The following SLIT2 variants were observed in gnomAD, a reference collection of about 807,000 sequenced individuals.
The protein encoded by SLIT2 is slit homolog 2 protein.
In SLIT2, 41 loss-of-function variants were observed where a neutral mutation model predicts 185.7. The ratio of observed to expected loss-of-function variants is 0.22; its 90% CI spans 0.17 to 0.29. The LOEUF is 0.29. Ranked by LOEUF, SLIT2 falls within the 10% of genes least tolerant of loss-of-function variation. The pLI, the probability that SLIT2 is intolerant of heterozygous loss-of-function variation, is 1.00. For synonymous variants in SLIT2, 693 were observed against 680.2 expected (o/e 1.02, Z -0.29); for missense variants, 1,571 against 1,909.0 (o/e 0.82, Z 3.30).
chr4:20,462,896 A>G (rs963627049), intron 4 of SLIT2, among the ~76,000 whole-genome samples: 4 of 152,188 alleles, frequency 2.6e-5, no homozygotes, highest in Non-Finnish European at 4.4e-5. Flanking sequence ...TAGCAGGTAT[A>G]CTCAGGAGCA....
At chr4:20,424,960 C>A (rs537830753) in intron 4 of SLIT2, among the ~76,000 whole-genome samples, 2 of 152,040 alleles carry the variant, frequency 1.3e-5, no homozygotes, top group Non-Finnish European at 2.9e-5. Context: ...CATATTTATT[C>A]TTTCTAAATA....
intron 4 of SLIT2, among the ~76,000 whole-genome samples, chr4:20,269,405 G>A (rs1219662761): frequency 1.3e-5 from 2 of 151,842 alleles, no homozygotes; most frequent in African/African-American, 4.8e-5. Flanking sequence ...ATGAATGACT[G>A]TATGGCAAGG....
At chr4:20,425,461 G>A (rs1356630192) in intron 4 of SLIT2, among the ~76,000 whole-genome samples, 1 of 151,786 alleles carries the variant, frequency 6.6e-6, no homozygotes, top group Non-Finnish European at 1.5e-5. Context: ...GTTTCTAATG[G>A]CTATTATTTA....
Position 20,455,895 on chromosome 4 carries a change from G to A in SLIT2, c.396-11857G>A, listed in dbSNP as rs74385160. 6.9e-3 allele frequency among the ~76,000 whole-genome samples: 1,056 copies of A among 152,148 alleles called. 21 individuals carry two copies. Among genetic ancestry groups the A allele is most frequent in the African/African-American group, 0.024 (999 of 41,524 alleles). On this transcript the variant is annotated intron_variant, in intron 4 of 36. Transcript: ENST00000504154. ...GATGTTTTACAGTTTTATTTATGAA[G>A]TCTTTATTTCTAGGCATTTTTTCAA... is the stretch of plus-strand genomic sequence containing the variant.
chr4:20,544,885 G>C (rs1318739117), intron 21 of SLIT2, among the ~76,000 whole-genome samples: 1 of 151,946 alleles, frequency 6.6e-6, no homozygotes, highest in African/African-American at 2.4e-5. Context: ...CCCTCTAGTG[G>C]TATCAAGAAA....
chr4:20,519,903 G>C (rs1357423806), intron 12 of SLIT2, among the ~76,000 whole-genome samples: 2 of 151,822 alleles, frequency 1.3e-5, no homozygotes, highest in African/African-American at 4.8e-5. Context: ...TGGTGGTGGT[G>C]GGCCCCTGTA....
rs933155545 is a variant in SLIT2, at chr4:20,251,906, C to T, written c.-1910C>T. 7.9e-5 allele frequency among the ~76,000 whole-genome samples: 12 copies of T among 152,070 alleles called. No individual in the cohort carries two copies. The highest frequency in any genetic ancestry group is 2.2e-4 in the African/African-American group (9 of 41,416). On this transcript the variant is annotated 5_prime_UTR_variant, in exon 1 of 37. Transcript: ENST00000504154. ...AGGCCCGCGCCGGCTCAACTTCGGA[C>T]TTGGTGTTATTTATTTGGGAAGCGC...
intron 4 of SLIT2, among the ~76,000 whole-genome samples, chr4:20,400,463 C>T (rs1048519953): frequency 4.6e-5 from 7 of 151,462 alleles, no homozygotes; most frequent in African/African-American, 1.7e-4. Flanking sequence ...TTCTGGTTTA[C>T]ACAAATGAGA....
At chr4:20,330,954 T>C (rs1336977862) in intron 4 of SLIT2, among the ~76,000 whole-genome samples, 1 of 152,076 alleles carries the variant, frequency 6.6e-6, no homozygotes, top group Non-Finnish European at 1.5e-5. Flanking sequence ...TAATTGCAGT[T>C]CTCTTCAAAG....
intron 4 of SLIT2, among the ~76,000 whole-genome samples, chr4:20,380,759 A>G (rs925614049): frequency 6.6e-6 from 1 of 152,180 alleles, no homozygotes; most frequent in African/African-American, 2.4e-5. Flanking sequence ...TGAACAAAGT[A>G]TCTTCTGTGG....
Position 20,592,782 on chromosome 4 carries a change from A to G in SLIT2, c.3183-2915A>G, listed in dbSNP as rs116690730. Among the ~76,000 whole-genome samples, 126 of 152,236 alleles carry G rather than the reference A, an allele frequency of 8.3e-4. 1 individual carries two copies. The highest frequency in any genetic ancestry group is 2.9e-3 in the African/African-American group (120 of 41,568). On this transcript the variant is annotated intron_variant, in intron 30 of 36. Coordinates refer to ENST00000504154, the MANE Select transcript of SLIT2 (RefSeq NM_004787.4). ...CTTGTCCATCTCTTTGAGAATGTAT[A>G]TGGCCACTTAGAGTCTATTTAACTT...
chr4:20,439,569 G>A (rs1427839800), intron 4 of SLIT2, among the ~76,000 whole-genome samples: 1 of 152,124 alleles, frequency 6.6e-6, no homozygotes, highest in African/African-American at 2.4e-5. Context: ...ATCGGATTAA[G>A]GCCCACCCTA....
chr4:20,472,374 ATC>A (rs1310402423), intron 5 of SLIT2, among the ~76,000 whole-genome samples: 4 of 30,914 alleles, frequency 1.3e-4, no homozygotes, highest in African/African-American at 4.9e-4. Flanking sequence ...AGATATCTAT[ATC>A]TATATATATG....
At chr4:20,543,157 A>G (rs1227718934) in intron 21 of SLIT2, among the ~76,000 whole-genome samples, 1 of 152,124 alleles carries the variant, frequency 6.6e-6, no homozygotes, top group Non-Finnish European at 1.5e-5. Context: ...AGAAACTAGC[A>G]TAATCTCTTC....
chr4:20,338,878 CAGG>C (rs1326840604), intron 4 of SLIT2, among the ~76,000 whole-genome samples: 2 of 151,746 alleles, frequency 1.3e-5, no homozygotes, highest in African/African-American at 4.8e-5. Context: ...CGCTTGAGTC[CAGG>C]AGGAGTTTGA....
In SLIT2 at chr4:20,486,223, C is replaced by G; in HGVS notation, c.563C>G (p.Thr188Ser). Residue 188 changes from threonine (T) to serine (S), a missense_variant, in exon 7 of 37, where the codon ACT becomes AGT. Around this residue, in one of 3 missense-constraint regions of SLIT2, gnomAD observed 1,202 missense variants for 1,416.4 expected, o/e 0.85. Coordinates refer to ENST00000504154, the MANE Select transcript of SLIT2 (RefSeq NM_004787.4). ...EVLTLNNNNITRLSVASFNHM... is the reference protein window; with the variant it reads ...EVLTLNNNNISRLSVASFNHM... ...AGCACTCTCAACAATAACAACATTA[C>G]TAGACTTTCTGTGGCAAGTTTCAAC... is the stretch of plus-strand genomic sequence containing the variant. The G allele has an allele frequency of 6.2e-7, 1 of 1,604,814 alleles. No individual in the cohort carries two copies. The highest frequency in any genetic ancestry group is 8.5e-7 in the Non-Finnish European group (1 of 1,171,932).
intron 29 of SLIT2, among the ~76,000 whole-genome samples, chr4:20,571,509 T>A (rs568409979): frequency 6.6e-6 from 1 of 152,310 alleles, no homozygotes; most frequent in Non-Finnish European, 1.5e-5. Flanking sequence ...ATCTGCGGAT[T>A]TTGAAATCAT....
At chr4:20,473,531 T>A (rs1303225045) in intron 5 of SLIT2, among the ~76,000 whole-genome samples, 2 of 151,992 alleles carry the variant, frequency 1.3e-5, no homozygotes, top group African/African-American at 4.8e-5. Context: ...TAGAGAGAGT[T>A]CACCTATGTG....
chr4:20,549,188 C>A (rs577509317), intron 24 of SLIT2, 60 bp downstream of exon 24: 2 of 979,474 alleles, frequency 2.0e-6, no homozygotes, highest in East Asian at 4.9e-5. Flanking sequence ...TTGGGGTTGT[C>A]TTTTTAAGGA....
Sources: allele counts gnomAD v4.1 joint callset (sites outside exome capture counted in the v4.1 genomes callset), GRCh38; gene constraint gnomAD v4.1.1; regional missense constraint gnomAD v4.1.1; transcripts MANE v1.5; gene names NCBI Gene and HGNC (gene_info 2026-07-23, HGNC 2026-07-21).